Variants in KSR2 observed in about 807,000 individuals in gnomAD.
KSR2 encodes kinase suppressor of ras 2.
Under a neutral mutation model 107.8 loss-of-function variants are expected in KSR2, and 25 were observed. That is an observed-to-expected ratio of 0.23 (90% CI 0.17 to 0.32). The LOEUF (loss-of-function observed/expected upper bound fraction) is 0.32, where lower values mean the gene tolerates loss of function less well. Ranked by LOEUF, KSR2 falls within the 10% of genes least tolerant of loss-of-function variation. The pLI is 1.00. For missense variants in KSR2, 887 were observed against 1,268.9 expected, an observed-to-expected ratio of 0.70 and a Z score of 4.57; for synonymous variants, 480 against 507.0, an observed-to-expected ratio of 0.95 and a Z score of 0.71.
intron 4 of KSR2, among the ~76,000 whole-genome samples, chr12:117,689,939 C>T (rs1018095034): frequency 1.3e-5 from 2 of 150,344 alleles, no homozygotes; most frequent in Non-Finnish European, 2.9e-5. Context: ...GTGTGTAATG[C>T]ATGTGTGATT....
intron 5 of KSR2, among the ~76,000 whole-genome samples, chr12:117,633,761 T>C (rs1328329131): frequency 1.3e-5 from 2 of 152,172 alleles, no homozygotes; most frequent in East Asian, 3.9e-4. Flanking sequence ...AAAGACCCTA[T>C]TTCTGTTAAT....
At chr12:117,926,576 T>C (rs1278889761) in intron 1 of KSR2, among the ~76,000 whole-genome samples, 1 of 152,240 alleles carries the variant, frequency 6.6e-6, no homozygotes, top group African/African-American at 2.4e-5. Flanking sequence ...TTCAGCACTT[T>C]GGAAGTTTCT....
chr12:117,589,267 G>A (rs542157008), intron 5 of KSR2, among the ~76,000 whole-genome samples: 1 of 152,250 alleles, frequency 6.6e-6, no homozygotes, highest in East Asian at 1.9e-4. Context: ...TACCCTAAAT[G>A]TTTCCATGGA....
At position 117,530,944 on chromosome 12, in the gene KSR2, G is replaced by T. The variant is rs1330435905; in HGVS notation, c.1799C>A (p.Pro600Gln). The part of the protein sequence containing the change: ...QVILHPVTSN[P>Q]ILEGNPLLQI... ...AAGATGTCTCTGTCTCACTTACATT[G>T]GATTCGAGGTCACCGGATGCAGGAT... Residue 600 changes from proline to glutamine, a missense_variant, in exon 12 of 20, where the codon CCA becomes CAA. This residue lies in a region of KSR2 where 308 missense variants were observed against 506.2 expected (regional missense o/e 0.61). Transcript: ENST00000339824. 11 of 1,613,574 alleles carry T rather than the reference G, an allele frequency of 6.8e-6. No individual in the cohort carries two copies. Among genetic ancestry groups the T allele is most frequent in the Non-Finnish European group, 8.5e-6 (10 of 1,179,666 alleles).
chr12:117,757,354 G>A (rs1318741734), intron 4 of KSR2, among the ~76,000 whole-genome samples: 3 of 152,210 alleles, frequency 2.0e-5, no homozygotes, highest in African/African-American at 7.2e-5. Flanking sequence ...GGATGAGCAA[G>A]GAAAGTGGTT....
intron 5 of KSR2, among the ~76,000 whole-genome samples, chr12:117,627,381 T>C (rs1220713083): frequency 6.6e-6 from 1 of 152,214 alleles, no homozygotes; most frequent in African/African-American, 2.4e-5. Flanking sequence ...CAGGAACTCT[T>C]GTAAGGCAGG....
At chr12:117,543,444 T>C (rs1876642396) in intron 9 of KSR2, among the ~76,000 whole-genome samples, 1 of 152,262 alleles carries the variant, frequency 6.6e-6, no homozygotes, top group African/African-American at 2.4e-5. Context: ...TGTATCTATA[T>C]AAGAAGTCTT....
Position 117,772,321 on chromosome 12 carries a change from C to A in KSR2, c.473-10797G>T, listed in dbSNP as rs528712474. Among the ~76,000 whole-genome samples the A allele has an allele frequency of 1.4e-4, 21 of 146,412 alleles. No individual in the cohort carries two copies. The South Asian group carries it at 1.8e-3, about 13-fold the overall frequency. ...CACCATTCCCCCAAAGACGCACAAA[C>A]ACACACTCACACATACACACCATTC... On this transcript the variant is annotated intron_variant, in intron 3 of 19. Transcript: ENST00000339824.
intron 3 of KSR2, among the ~76,000 whole-genome samples, chr12:117,770,976 CAAAAAAAAAA>C (rs61641342): frequency 3.0e-5 from 2 of 66,232 alleles, no homozygotes; most frequent in African/African-American, 1.1e-4. Flanking sequence ...GACTCCGTCT[CAAAAAAAAAA>C]AAAAAAAAAA....
intron 5 of KSR2, among the ~76,000 whole-genome samples, chr12:117,600,543 GCTTATGT>G (rs1183238133): frequency 6.6e-6 from 1 of 152,108 alleles, no homozygotes; most frequent in African/African-American, 2.4e-5. Context: ...GATCATTCTC[GCTTATGT>G]ACAAAACAAA....
chr12:117,531,866 T>C (rs920625125), intron 10 of KSR2, among the ~76,000 whole-genome samples, 159 bp from the exon 11 acceptor site: 2 of 152,068 alleles, frequency 1.3e-5, no homozygotes, highest in South Asian at 2.1e-4. Context: ...ACTGCAAACA[T>C]GTGTAAAGAA....
intron 1 of KSR2, among the ~76,000 whole-genome samples, chr12:117,883,159 A>G (rs1181461719): frequency 1.3e-5 from 2 of 152,188 alleles, no homozygotes; most frequent in Non-Finnish European, 2.9e-5. Context: ...CCCATCTAGC[A>G]CCATATATTA....
chr12:117,859,227 C>T (rs913225537), intron 2 of KSR2, among the ~76,000 whole-genome samples: 2 of 140,192 alleles, frequency 1.4e-5, no homozygotes, highest in Admixed American at 1.6e-4. Context: ...TTCACTGCAA[C>T]ATCTGTCTCA....
chr12:117,573,516 CAT>C (rs946900147), intron 7 of KSR2, among the ~76,000 whole-genome samples: 26 of 142,126 alleles, frequency 1.8e-4, no homozygotes, highest in Middle Eastern at 3.7e-3. Context: ...GTTCCTATCA[CAT>C]GTTATCTTTT....
At chr12:117,660,307 C>G (rs780229305) in intron 5 of KSR2, among the ~76,000 whole-genome samples, 1 of 152,088 alleles carries the variant, frequency 6.6e-6, no homozygotes, top group Non-Finnish European at 1.5e-5. Flanking sequence ...GCCAGAAGTC[C>G]AAGATTAAGG....
chr12:117,609,839 G>A (rs1881496285), intron 5 of KSR2, among the ~76,000 whole-genome samples: 1 of 152,154 alleles, frequency 6.6e-6, no homozygotes, highest in Admixed American at 6.5e-5. Context: ...TCTCTCCCCA[G>A]CTATGACAGC....
chr12:117,530,722 C>T (rs536712471), intron 12 of KSR2, among the ~76,000 whole-genome samples: 174 of 152,286 alleles, frequency 1.1e-3, no homozygotes, highest in Non-Finnish European at 1.8e-3. Context: ...TCGTGAGGAA[C>T]AGCATTGCCT....
At chr12:117,527,933 TTGAGCTGGAAGACACAAGTGTGTGTGTG>T (rs1306910622) in intron 12 of KSR2, among the ~76,000 whole-genome samples, 5 of 148,880 alleles carry the variant, frequency 3.4e-5, no homozygotes, top group African/African-American at 1.2e-4. Flanking sequence ...AAAGACCATA[TTGAGCTGGAAGACACAAGTGTGTGTGTG>T]TGTGTGTGTG....
chr12:117,950,749 A>AAATAATAAGAAT (rs1896338896), intron 1 of KSR2, among the ~76,000 whole-genome samples: 1 of 132,166 alleles, frequency 7.6e-6, no homozygotes, highest in South Asian at 2.5e-4. Flanking sequence ...AAAAAAAAAA[A>AAATAATAAGAAT]AATAATAATA....
Sources: gnomAD v4.1 joint callset for allele counts (sites outside exome capture counted in the v4.1 genomes callset) on GRCh38, gnomAD v4.1.1 for gene constraint, gnomAD v4.1.1 regional missense constraint, MANE v1.5 for transcripts, NCBI Gene and HGNC (gene_info 2026-07-23, HGNC 2026-07-21) for gene names.